CHLSN: variants seen among roughly 807,000 people sequenced by gnomAD.
CHLSN encodes protein cholesin.
chr7:1,107,047 C>G, the CHLSN span, among the ~76,000 whole-genome samples: 4 of 152,340 alleles, frequency 2.6e-5, no homozygotes, highest in African/African-American at 9.6e-5. Context: ...AGCATCAGCT[C>G]TGCCTGGAAG....
At chr7:1,077,120 C>G in the CHLSN span, among the ~76,000 whole-genome samples, 1 of 152,206 alleles carries the variant, frequency 6.6e-6, no homozygotes, top group Admixed American at 6.5e-5. Context: ...GAGCACTTTT[C>G]CCTGGTATTC....
the CHLSN span, among the ~76,000 whole-genome samples, chr7:1,049,960 C>A: frequency 2.6e-5 from 4 of 152,186 alleles, no homozygotes. Flanking sequence ...CCCACCCCAC[C>A]CCAACAAGGA....
chr7:1,004,183 G>C, the CHLSN span, among the ~76,000 whole-genome samples: 1 of 152,110 alleles, frequency 6.6e-6, no homozygotes, highest in East Asian at 1.9e-4. Context: ...TCTGCTCCCC[G>C]GATGGCCGAC....
At chr7:1,114,398 C>T in the CHLSN span, among the ~76,000 whole-genome samples, 1 of 152,236 alleles carries the variant, frequency 6.6e-6, no homozygotes, top group African/African-American at 2.4e-5. Context: ...CTGTCACCAG[C>T]GTGAATTGTG....
the CHLSN span, among the ~76,000 whole-genome samples, chr7:1,016,681 GGGCACAGCAGCGCATGC>G: frequency 2.3e-5 from 3 of 128,778 alleles, no homozygotes; most frequent in South Asian, 2.4e-4. Flanking sequence ...GCACACGCCA[GGGCACAGCAGCGCATGC>G]CAGCACACGC....
the CHLSN span, among the ~76,000 whole-genome samples, chr7:1,087,617 T>G: frequency 6.6e-6 from 1 of 152,216 alleles, no homozygotes; most frequent in African/African-American, 2.4e-5. Flanking sequence ...GCACTCTGGA[T>G]TTCAGATTTC....
the CHLSN span, among the ~76,000 whole-genome samples, chr7:1,073,719 C>T: frequency 3.6e-5 from 5 of 140,712 alleles, no homozygotes; most frequent in African/African-American, 8.0e-5. Flanking sequence ...GTGACGCCCC[C>T]GACCCCTCAC....
At chr7:1,016,415 G>A in the CHLSN span, among the ~76,000 whole-genome samples, 1 of 48,954 alleles carries the variant, frequency 2.0e-5, no homozygotes, top group African/African-American at 1.8e-4. Context: ...GCACACAGCA[G>A]CGCACGCCAG....
At chr7:999,837 T>C in the CHLSN span, among the ~76,000 whole-genome samples, 1 of 152,214 alleles carries the variant, frequency 6.6e-6, no homozygotes, top group Non-Finnish European at 1.5e-5. Context: ...TCCTCCAGCC[T>C]CACAGGACAT....
the CHLSN span, chr7:1,091,497 C>T: frequency 7.7e-6 from 4 of 519,898 alleles, no homozygotes; most frequent in East Asian, 3.1e-5. Flanking sequence ...GGAGGGCCCT[C>T]GCCTCCACGG....
At chr7:1,031,391 C>CT in the CHLSN span, among the ~76,000 whole-genome samples, 1 of 74,186 alleles carries the variant, frequency 1.3e-5, no homozygotes, top group African/African-American at 1.0e-4. Context: ...CAGAGTGGTC[C>CT]GGGGGGGCAG....
At chr7:1,092,488 C>T in the CHLSN span, 6 of 1,607,404 alleles carry the variant, frequency 3.7e-6, no homozygotes, top group South Asian at 1.1e-5. Flanking sequence ...GCGGCCCCGG[C>T]GGCAGAAGGC....
the CHLSN span, among the ~76,000 whole-genome samples, chr7:1,131,527 GC>G: frequency 6.6e-6 from 1 of 152,192 alleles, no homozygotes; most frequent in Non-Finnish European, 1.5e-5. Context: ...AAAACCCCAA[GC>G]CCCTTATTCT....
At chr7:1,058,022 CCA>C in the CHLSN span, 1 of 769,662 alleles carries the variant, frequency 1.3e-6, no homozygotes, top group Non-Finnish European at 2.4e-6. Flanking sequence ...ACATCTGCAG[CCA>C]TGTGTCCACC....
At chr7:987,389 G>A in the CHLSN span, 14 of 1,594,726 alleles carry the variant, frequency 8.8e-6, no homozygotes, top group East Asian at 6.7e-5. Flanking sequence ...GGCCCTGGGC[G>A]GACTCCCCGG....
At chr7:1,064,691 C>T in the CHLSN span, among the ~76,000 whole-genome samples, 1 of 152,324 alleles carries the variant, frequency 6.6e-6, no homozygotes, top group Middle Eastern at 3.4e-3. Flanking sequence ...GGGACTCCTC[C>T]CTCGGCCGAG....
chr7:1,022,910 G>A, the CHLSN span: 20 of 423,430 alleles, frequency 4.7e-5, no homozygotes, highest in Non-Finnish European at 8.8e-5. Flanking sequence ...TCTCCGCGGC[G>A]AGCTGGCCAC....
At chr7:1,001,926 GTCCTGCGGGTGGGGA>G in the CHLSN span, among the ~76,000 whole-genome samples, 1 of 104,578 alleles carries the variant, frequency 9.6e-6, no homozygotes, top group Non-Finnish European at 2.0e-5. Context: ...CGGGTGGGGA[GTCCTGCGGGTGGGGA>G]GTCCTGTGGG....
chr7:983,507 G>T, the CHLSN span: 1 of 1,029,902 alleles, frequency 9.7e-7, no homozygotes, highest in South Asian at 2.5e-5. Flanking sequence ...GCCCAGCGGG[G>T]CACGCAGGAG....
Sources: gnomAD v4.1 joint callset for allele counts (sites outside exome capture counted in the v4.1 genomes callset) on GRCh38, gnomAD v4.1.1 for gene constraint, MANE v1.5 for transcripts, NCBI Gene and HGNC (gene_info 2026-07-23, HGNC 2026-07-21) for gene names.